Variants in GLIS3 observed in about 807,000 individuals in gnomAD.
The protein encoded by GLIS3 is zinc finger protein GLIS3.
In GLIS3, 53 loss-of-function variants were observed where a neutral mutation model predicts 78.6. The observed-to-expected ratio is 0.67, with a 90% confidence interval of 0.54 to 0.85. The LOEUF (loss-of-function observed/expected upper bound fraction) is 0.85. Ranked by LOEUF, GLIS3 falls within the 40% of genes least tolerant of loss-of-function variation. GLIS3 has a pLI of 0.00. For synonymous variants in GLIS3, 684 were observed against 509.9 expected, an observed-to-expected ratio of 1.34 and a Z score of -4.60; for missense variants, 1,703 against 1,231.1, an observed-to-expected ratio of 1.38 and a Z score of -5.74.
the GLIS3 span, among the ~76,000 whole-genome samples, chr9:4,473,970 A>G: frequency 1.3e-5 from 2 of 152,202 alleles, no homozygotes; most frequent in African/African-American, 4.8e-5. Flanking sequence ...TTCATGTATT[A>G]GAAGGCTCAA....
At chr9:4,310,221 GA>G (rs1157824251) in intron 3 of GLIS3, among the ~76,000 whole-genome samples, 1 of 152,200 alleles carries the variant, frequency 6.6e-6, no homozygotes, top group African/African-American at 2.4e-5. Flanking sequence ...GCAAGGGGTA[GA>G]TGGGCCTTTT....
chr9:4,328,670 G>C (rs1044432757), intron 2 of GLIS3, among the ~76,000 whole-genome samples: 1 of 152,240 alleles, frequency 6.6e-6, no homozygotes, highest in Non-Finnish European at 1.5e-5. Flanking sequence ...CTGGAATCTT[G>C]CTCTGCCTCT....
At chr9:4,171,934 A>T (rs773401551) in intron 2 of GLIS3, among the ~76,000 whole-genome samples, 29 of 152,184 alleles carry the variant, frequency 1.9e-4, no homozygotes, top group Admixed American at 7.9e-4. Flanking sequence ...AAGTGGCAGG[A>T]TATATTTTTA....
At chr9:3,855,735 T>G (rs1170291139) in intron 9 of GLIS3, 4 of 438,686 alleles carry the variant, frequency 9.1e-6, no homozygotes, top group Admixed American at 3.4e-5. Flanking sequence ...AGAAACAGGA[T>G]GCTATTGCTG....
At chr9:4,146,138 T>G (rs1394451124) in intron 2 of GLIS3, among the ~76,000 whole-genome samples, 13 of 152,218 alleles carry the variant, frequency 8.5e-5, no homozygotes, top group Admixed American at 7.9e-4. Flanking sequence ...ACATATTCAT[T>G]TAGTGCAAGA....
At chr9:4,155,864 G>A (rs1046385202) in intron 2 of GLIS3, among the ~76,000 whole-genome samples, 3 of 152,142 alleles carry the variant, frequency 2.0e-5, no homozygotes, top group African/African-American at 7.2e-5. Flanking sequence ...TGATGCTGCA[G>A]GTCCTCAGGC....
chr9:3,951,593 A>G (rs1461432716), intron 4 of GLIS3, among the ~76,000 whole-genome samples: 1 of 151,900 alleles, frequency 6.6e-6, no homozygotes. Context: ...AAATATATTT[A>G]TAAGAAAAAA....
rs117937261 is a variant in GLIS3 at position 3,941,675 on chromosome 9, A to C, written c.1711-4486T>G. ...GGACACATATGGGAAAAGGGCATGA[A>C]ACTGTAAGTGATAGAACTTACACTC... On this transcript the variant is annotated intron_variant, in intron 4 of 10. Coordinates refer to ENST00000381971, the MANE Select transcript of GLIS3 (RefSeq NM_001042413.2). 7.6e-3 allele frequency among the ~76,000 whole-genome samples: 1,157 copies of C among 152,272 alleles called. 4 individuals are homozygous for C. Among genetic ancestry groups the C allele is most frequent in the Middle Eastern group, 0.031 (9 of 294 alleles).
At chr9:4,326,393 G>A (rs1563933790) in intron 2 of GLIS3, among the ~76,000 whole-genome samples, 2 of 152,070 alleles carry the variant, frequency 1.3e-5, no homozygotes, top group East Asian at 3.8e-4. Flanking sequence ...AAGGAAATGC[G>A]GACACATGCT....
the GLIS3 span, among the ~76,000 whole-genome samples, chr9:4,417,321 C>A: frequency 6.6e-6 from 1 of 152,112 alleles, no homozygotes; most frequent in Admixed American, 6.5e-5. Flanking sequence ...AACATGGTAA[C>A]TGAATTTTGT....
At chr9:4,177,458 GC>G (rs1188020882) in intron 2 of GLIS3, among the ~76,000 whole-genome samples, 1 of 152,140 alleles carries the variant, frequency 6.6e-6, no homozygotes, top group Non-Finnish European at 1.5e-5. Context: ...TTTACACAGA[GC>G]CCAATGTCTG....
chr9:3,952,857 C>T (rs978383687), intron 4 of GLIS3, among the ~76,000 whole-genome samples: 4 of 152,108 alleles, frequency 2.6e-5, no homozygotes, highest in Non-Finnish European at 5.9e-5. Flanking sequence ...AACTCCCAAC[C>T]GATGCTGATG....
At chr9:4,486,861 T>C in the GLIS3 span, among the ~76,000 whole-genome samples, 3 of 152,246 alleles carry the variant, frequency 2.0e-5, no homozygotes, top group South Asian at 6.2e-4. Context: ...AGGTTATTTA[T>C]TTATTTTTTT....
chr9:4,268,148 C>G (rs1389487432), intron 2 of GLIS3, among the ~76,000 whole-genome samples: 2 of 152,166 alleles, frequency 1.3e-5, no homozygotes, highest in Non-Finnish European at 1.5e-5. Context: ...AATCCTGACT[C>G]TGCCACTTAC....
chr9:4,052,164 A>T (rs781410216), intron 4 of GLIS3, among the ~76,000 whole-genome samples: 7 of 152,184 alleles, frequency 4.6e-5, no homozygotes, highest in Non-Finnish European at 1.0e-4. Context: ...TTTCAGAGGG[A>T]GTGGCCTAAA....
At chr9:4,407,473 G>A in the GLIS3 span, among the ~76,000 whole-genome samples, 4 of 152,144 alleles carry the variant, frequency 2.6e-5, no homozygotes, top group Admixed American at 2.0e-4. Flanking sequence ...GTGAAACCCC[G>A]TCTCTACTAA....
intron 4 of GLIS3, among the ~76,000 whole-genome samples, chr9:3,970,796 C>G (rs1036485871): frequency 2.6e-5 from 4 of 152,130 alleles, no homozygotes; most frequent in South Asian, 2.1e-4. Context: ...TAGTGTGAAG[C>G]TGGCAATTGA....
chr9:4,209,091 T>A (rs769182399), intron 2 of GLIS3, among the ~76,000 whole-genome samples: 7 of 152,170 alleles, frequency 4.6e-5, no homozygotes, highest in Non-Finnish European at 8.8e-5. Flanking sequence ...AAAGATGACA[T>A]ATAAATTACG....
intron 2 of GLIS3, among the ~76,000 whole-genome samples, chr9:4,204,543 C>A (rs926506388): frequency 3.3e-5 from 5 of 152,080 alleles, no homozygotes; most frequent in Admixed American, 1.3e-4. Flanking sequence ...TAACGTATGA[C>A]AGTCCAAGAA....
Sources: allele counts gnomAD v4.1 joint callset (sites outside exome capture counted in the v4.1 genomes callset), GRCh38; gene constraint gnomAD v4.1.1; transcripts MANE v1.5; gene names NCBI Gene and HGNC (gene_info 2026-07-23, HGNC 2026-07-21).